The following LRRC8D variants were observed in gnomAD, a reference collection of about 807,000 sequenced individuals.
LRRC8D encodes the protein volume-regulated anion channel subunit LRRC8D.
In LRRC8D, 20 loss-of-function variants were observed where a neutral mutation model predicts 55.8. The observed-to-expected ratio is 0.36, with a 90% CI of 0.25 to 0.52. The LOEUF (loss-of-function observed/expected upper bound fraction) is 0.52. LRRC8D is among the 20% of genes least tolerant of loss of function. The probability of loss-of-function intolerance (pLI) is 0.93; values close to 1 mark genes in which losing one functional copy is unlikely to be tolerated. For synonymous variants in LRRC8D, 352 were observed against 377.0 expected (o/e 0.93, Z 0.77); for missense variants, 651 against 1,030.8 (o/e 0.63, Z 5.05).
chr1:89,889,327 CA>C (rs1324353759), intron 2 of LRRC8D, among the ~76,000 whole-genome samples: 1 of 152,014 alleles, frequency 6.6e-6, no homozygotes, highest in Non-Finnish European at 1.5e-5. Context: ...CTCTCTCAAC[CA>C]AAAGGAACCT....
intron 2 of LRRC8D, among the ~76,000 whole-genome samples, chr1:89,864,628 T>G (rs1224158250): frequency 6.6e-6 from 1 of 152,152 alleles, no homozygotes; most frequent in East Asian, 1.9e-4. Flanking sequence ...CAGTGCTCTC[T>G]ATACATTGGA....
chr1:89,915,588 A>G (rs1340329047), intron 2 of LRRC8D, among the ~76,000 whole-genome samples: 1 of 152,194 alleles, frequency 6.6e-6, no homozygotes, highest in East Asian at 1.9e-4. Flanking sequence ...GATGGCTGAA[A>G]TATTCACTCC....
chr1:89,897,420 A>T (rs1336133016), intron 2 of LRRC8D, among the ~76,000 whole-genome samples: 1 of 152,114 alleles, frequency 6.6e-6, no homozygotes, highest in Non-Finnish European at 1.5e-5. Flanking sequence ...GAAAGGCGAG[A>T]TTATGTTTTT....
At chr1:89,860,181 G>T (rs1045845402) in intron 2 of LRRC8D, among the ~76,000 whole-genome samples, 1 of 152,122 alleles carries the variant, frequency 6.6e-6, no homozygotes, top group African/African-American at 2.4e-5. Context: ...CCTACCTAAG[G>T]CATGCTTATA....
chr1:89,853,737 G>A (rs1234431160), intron 2 of LRRC8D, among the ~76,000 whole-genome samples: 1 of 152,098 alleles, frequency 6.6e-6, no homozygotes, highest in Non-Finnish European at 1.5e-5. Context: ...ATAGGAGATT[G>A]GATCTGACAG....
chr1:89,896,114 A>G (rs368463214), intron 2 of LRRC8D, among the ~76,000 whole-genome samples: 2 of 152,384 alleles, frequency 1.3e-5, no homozygotes, highest in East Asian at 3.9e-4. Flanking sequence ...TCTATGGCTT[A>G]AGTGGCTTTG....
chr1:89,857,153 C>T (rs1340290162), intron 2 of LRRC8D, among the ~76,000 whole-genome samples: 1 of 152,076 alleles, frequency 6.6e-6, no homozygotes, highest in African/African-American at 2.4e-5. Context: ...GGAGGTGAGG[C>T]AGGTGGATCA....
intron 2 of LRRC8D, among the ~76,000 whole-genome samples, chr1:89,889,661 C>T (rs1662511554): frequency 6.6e-6 from 1 of 151,142 alleles, no homozygotes; most frequent in South Asian, 2.1e-4. Flanking sequence ...GCTGGTGGAT[C>T]ACTTGAAGTC....
At chr1:89,823,907 CAG>C (rs1660701998) in intron 1 of LRRC8D, among the ~76,000 whole-genome samples, 1 of 152,084 alleles carries the variant, frequency 6.6e-6, no homozygotes, top group African/African-American at 2.4e-5. Flanking sequence ...GGATGTGGAA[CAG>C]AATATACGAC....
At chr1:89,919,689 G>A (rs1002709135) in intron 2 of LRRC8D, among the ~76,000 whole-genome samples, 3 of 152,140 alleles carry the variant, frequency 2.0e-5, no homozygotes, top group African/African-American at 7.2e-5. Flanking sequence ...GACTTTCTCT[G>A]GAGCCTTTAT....
At chr1:89,918,808 TGTTAGA>T (rs1296624968) in intron 2 of LRRC8D, among the ~76,000 whole-genome samples, 11 of 152,234 alleles carry the variant, frequency 7.2e-5, no homozygotes, top group African/African-American at 2.7e-4. Flanking sequence ...GAAAAATGCC[TGTTAGA>T]GTTGTTGATC....
intron 2 of LRRC8D, among the ~76,000 whole-genome samples, chr1:89,929,543 A>G (rs1330315933): frequency 6.6e-6 from 1 of 152,208 alleles, no homozygotes; most frequent in African/African-American, 2.4e-5. Flanking sequence ...CAGTACACTG[A>G]CTTTCAAAAT....
At chr1:89,897,950 T>C (rs1488855700) in intron 2 of LRRC8D, among the ~76,000 whole-genome samples, 1 of 152,086 alleles carries the variant, frequency 6.6e-6, no homozygotes, top group African/African-American at 2.4e-5. Context: ...ATGGTCATGG[T>C]GTGATAATTG....
intron 1 of LRRC8D, among the ~76,000 whole-genome samples, chr1:89,829,437 G>A (rs551434798): frequency 6.6e-6 from 1 of 152,118 alleles, no homozygotes; most frequent in African/African-American, 2.4e-5. Context: ...AAGTGGCGGA[G>A]GTGGAATTTG....
Position 89,935,242 on chromosome 1 carries a change from T to C in LRRC8D, c.2174T>C (p.Val725Ala). ...AAGCTCGAATCCTTACCAGTGGCAG[T>C]ATTTAGTTTACAGAAACTCAGATGC... The part of the protein sequence containing the change: ...NNKLESLPVA[V>A]FSLQKLRCLD... Residue 725 changes from valine to alanine, a missense_variant, in exon 3 of 3, where the codon GTA (valine) becomes GCA (alanine). Around this residue, in one of 5 missense-constraint regions of LRRC8D, gnomAD observed 338 missense variants for 479.4 expected, o/e 0.71. Coordinates refer to ENST00000337338, the MANE Select transcript of LRRC8D (RefSeq NM_001134479.2). 1 of 1,614,108 alleles carries C rather than the reference T, an allele frequency of 6.2e-7. No individual in the cohort carries two copies. The highest frequency in any genetic ancestry group is 8.5e-7 in the Non-Finnish European group (1 of 1,179,958).
intron 2 of LRRC8D, among the ~76,000 whole-genome samples, chr1:89,867,117 G>C (rs780654122): frequency 6.6e-6 from 1 of 152,012 alleles, no homozygotes; most frequent in Non-Finnish European, 1.5e-5. Flanking sequence ...ATCAATTTTA[G>C]AGCATTTTAT....
chr1:89,901,406 T>A (rs766753973), intron 2 of LRRC8D, among the ~76,000 whole-genome samples: 5 of 152,238 alleles, frequency 3.3e-5, no homozygotes, highest in Admixed American at 2.0e-4. Context: ...GTTTAGATTG[T>A]TTCTGAAGTT....
At chr1:89,906,010 A>C (rs550466061) in intron 2 of LRRC8D, among the ~76,000 whole-genome samples, 1 of 152,324 alleles carries the variant, frequency 6.6e-6, no homozygotes, top group South Asian at 2.1e-4. Flanking sequence ...ACCTCTCTAC[A>C]ATTGTATTTG....
chr1:89,843,773 C>T lies in LRRC8D; in HGVS notation c.-12C>T. 1 of 689,878 alleles carries T rather than the reference C, an allele frequency of 1.4e-6. No individual in the cohort carries two copies. Among genetic ancestry groups the T allele is most frequent in the Middle Eastern group, 2.7e-4 (1 of 3,726 alleles). The allele number at this position is 689,878 out of a possible 1,614,324, so 42.7% of individuals were successfully genotyped here. Reference sequence around the variant, plus strand: ...GCGCCCTGAGAGAACAGGGTGGCCGCTTGGTCCAGGTGCGCGGGGTCGGGT... The same window carrying T: ...GCGCCCTGAGAGAACAGGGTGGCCGTTTGGTCCAGGTGCGCGGGGTCGGGT... On this transcript the variant is annotated 5_prime_UTR_variant, in exon 2 of 3. Transcript: ENST00000337338.
Sources: allele counts gnomAD v4.1 joint callset (sites outside exome capture counted in the v4.1 genomes callset), GRCh38; gene constraint gnomAD v4.1.1; regional missense constraint gnomAD v4.1.1; transcripts MANE v1.5; gene names NCBI Gene and HGNC (gene_info 2026-07-23, HGNC 2026-07-21).